Variants in ATP11A observed in about 807,000 individuals in gnomAD.
ATP11A encodes phospholipid-transporting ATPase IH.
In ATP11A, 81 loss-of-function variants were observed where a neutral mutation model predicts 154.4. The ratio of observed to expected loss-of-function variants is 0.52; its 90% CI spans 0.44 to 0.63. The LOEUF is 0.63. Ranked by LOEUF, ATP11A falls within the 30% of genes least tolerant of loss-of-function variation. The probability of loss-of-function intolerance (pLI) is 0.00; values close to 1 mark genes in which losing one functional copy is unlikely to be tolerated. For missense variants in ATP11A, 1,316 were observed against 1,474.3 expected (o/e 0.89, Z 1.76); for synonymous variants, 623 against 585.9 (o/e 1.06, Z -0.91).
intron 1 of ATP11A, among the ~76,000 whole-genome samples, chr13:112,767,947 T>A (rs2077135905): frequency 6.6e-6 from 1 of 152,088 alleles, no homozygotes; most frequent in Non-Finnish European, 1.5e-5. Context: ...GGCTCCTCAC[T>A]TCCCCACCAA....
intron 17 of ATP11A, among the ~76,000 whole-genome samples, chr13:112,844,205 C>G (rs2079509732): frequency 6.6e-6 from 1 of 152,180 alleles, no homozygotes; most frequent in African/African-American, 2.4e-5. Flanking sequence ...CATGGAGGGT[C>G]TTCATGGCCT....
At chr13:112,821,431 A>G (rs2078794692) in intron 8 of ATP11A, among the ~76,000 whole-genome samples, 2 of 152,140 alleles carry the variant, frequency 1.3e-5, no homozygotes, top group South Asian at 4.1e-4. Flanking sequence ...CTCCTGCCTC[A>G]GCTTCCTGAG....
At chr13:112,742,720 G>A (rs1047714869) in intron 1 of ATP11A, among the ~76,000 whole-genome samples, 1 of 152,108 alleles carries the variant, frequency 6.6e-6, no homozygotes, top group Non-Finnish European at 1.5e-5. Context: ...GCCGGCCTTC[G>A]CCCTGTGCCT....
chr13:112,728,992 AG>A (rs1890201549), intron 1 of ATP11A, among the ~76,000 whole-genome samples: 1 of 152,174 alleles, frequency 6.6e-6, no homozygotes, highest in Non-Finnish European at 1.5e-5. Context: ...GCTTGACTAA[AG>A]CAGGTTTTCA....
intron 1 of ATP11A, among the ~76,000 whole-genome samples, chr13:112,780,616 G>C (rs1251288305): frequency 2.6e-5 from 4 of 152,156 alleles, no homozygotes; most frequent in African/African-American, 9.7e-5. Flanking sequence ...GCCCCTCCAG[G>C]AGTCGCTCGA....
At chr13:112,755,037 G>C (rs999805584) in intron 1 of ATP11A, among the ~76,000 whole-genome samples, 1 of 152,260 alleles carries the variant, frequency 6.6e-6, no homozygotes, top group African/African-American at 2.4e-5. Context: ...AGTAGCCAGG[G>C]CGCCGTCGTC....
At chr13:112,864,891 G>C (rs201225039) in intron 25 of ATP11A, among the ~76,000 whole-genome samples, 3 of 69,514 alleles carry the variant, frequency 4.3e-5, no homozygotes, top group African/African-American at 1.5e-4. Flanking sequence ...GCAGGCCTGC[G>C]CAGCTTCCCA....
chr13:112,718,335 C>T (rs1888730406), intron 1 of ATP11A, among the ~76,000 whole-genome samples: 1 of 152,198 alleles, frequency 6.6e-6, no homozygotes, highest in Non-Finnish European at 1.5e-5. Flanking sequence ...TTCAACTCTG[C>T]TTTTTGTTTG....
rs2080037956 is a variant in ATP11A, at chr13:112,859,519, C to T, written c.2727+67C>T. 7.3e-7 allele frequency: 1 copy of T among 1,370,042 alleles called. No homozygotes were observed. The allele number at this position is 1,370,042 out of a possible 1,614,324, so 84.9% of individuals were successfully genotyped here. ...TTTTCCTTCCCGCAGTGGGTGGCTG[C>T]TGTGGGGAGGGGAGACTTGGGAATG... On this transcript the variant is annotated intron_variant, in intron 23 of 29. Coordinates refer to ENST00000375645, the MANE Select transcript of ATP11A (RefSeq NM_015205.3). This position sits in a 1 kb window ranked among gnomAD's most constrained non-coding sequence, Gnocchi z 4.3.
intron 1 of ATP11A, among the ~76,000 whole-genome samples, chr13:112,759,073 G>A (rs191109772): frequency 1.3e-5 from 2 of 152,312 alleles, no homozygotes; most frequent in Admixed American, 1.3e-4. Context: ...TGTAAAAACA[G>A]CAACGTGTGC....
At chr13:112,819,490 C>T in intron 7 of ATP11A, 83 bp downstream of exon 7, 1 of 1,177,306 alleles carries the variant, frequency 8.5e-7, no homozygotes, top group South Asian at 1.3e-5. Flanking sequence ...AGTAGTCCAG[C>T]CATGTGGTGG....
Position 112,753,331 on chromosome 13 carries a change from T to G in ATP11A, c.40-31804T>G, listed in dbSNP as rs2076740559. On this transcript the variant is annotated intron_variant, in intron 1 of 29. Transcript: ENST00000375645. The surrounding 1 kb of genome is among the most constrained non-coding windows in gnomAD (Gnocchi z 4.1). Reference sequence around the variant, plus strand: ...CTTGTGAGTACATCAGCTATATTTCTGCGAGGACAGCTTTGGGATCGCTTT... The same window carrying G: ...CTTGTGAGTACATCAGCTATATTTCGGCGAGGACAGCTTTGGGATCGCTTT... 6.6e-6 allele frequency among the ~76,000 whole-genome samples: 1 copy of G among 152,240 alleles called. No homozygotes were observed. Among genetic ancestry groups the G allele is most frequent in the Admixed American group, 6.5e-5 (1 of 15,290 alleles).
intron 1 of ATP11A, among the ~76,000 whole-genome samples, chr13:112,730,537 C>G (rs934995536): frequency 6.6e-6 from 1 of 152,204 alleles, no homozygotes; most frequent in African/African-American, 2.4e-5. Context: ...AGGCATGGGA[C>G]ACACAGCCGC....
At chr13:112,740,688 T>G (rs534666782) in intron 1 of ATP11A, among the ~76,000 whole-genome samples, 155 of 152,230 alleles carry the variant, frequency 1.0e-3, no homozygotes, top group Middle Eastern at 3.4e-3. Context: ...GGAGCTCAGT[T>G]TTCACTGTAA....
Position 112,785,308 on chromosome 13 carries a change from C to G in ATP11A, c.162+51C>G, listed in dbSNP as rs368959592. ...CATAATGTGTCTAAAAAGCAGCTGC[C>G]GGGGGGTGTTAGTGCTTCTCGGTTT... On this transcript the variant is annotated intron_variant, in intron 2 of 29. Transcript: ENST00000375645. The surrounding 1 kb of genome is among the most constrained non-coding windows in gnomAD (Gnocchi z 4.8). 7.3e-7 allele frequency: 1 copy of G among 1,372,742 alleles called. No individual in the cohort carries two copies. Among genetic ancestry groups the G allele is most frequent in the Admixed American group, 2.9e-5 (1 of 34,236 alleles). The allele number at this position is 1,372,742 out of a possible 1,614,324, so 85.0% of individuals were successfully genotyped here.
intron 1 of ATP11A, among the ~76,000 whole-genome samples, chr13:112,784,316 C>A (rs995786100): frequency 2.0e-5 from 3 of 152,194 alleles, no homozygotes; most frequent in African/African-American, 4.8e-5. Flanking sequence ...ATATTCACAC[C>A]GCGGGCATGT....
Position 112,746,623 on chromosome 13 carries a change from G to A in ATP11A, c.40-38512G>A, listed in dbSNP as rs78826989. On this transcript the variant is annotated intron_variant, in intron 1 of 29. Transcript: ENST00000375645. The surrounding 1 kb of genome is among the most constrained non-coding windows in gnomAD (Gnocchi z 4.1). ...TGCAGTGGCACAACCATACCTCACT[G>A]CAGCTTCGACCTCCTGGGCTCAAGC... The A allele has an allele frequency of 0.011, 1,672 of 151,606 alleles. 14 individuals carry two copies. Among genetic ancestry groups the A allele is most frequent in the Non-Finnish European group, 0.016 (1,116 of 68,010 alleles). The allele number at this position is 151,606 out of a possible 1,614,324, so 9.4% of individuals were successfully genotyped here. A position where few individuals can be genotyped will look rare whatever the true frequency, so the allele number is the denominator to read the frequency against.
chr13:112,789,592 G>A (rs903464472), intron 2 of ATP11A, among the ~76,000 whole-genome samples: 16 of 132,086 alleles, frequency 1.2e-4, no homozygotes, highest in African/African-American at 3.2e-4. Context: ...GTGTCCTGAC[G>A]CGTAGACCCC....
Position 112,828,113 on chromosome 13 carries a change from G to GGGGGGAAACGCCCAGCAGTGTTGAGTGC in ATP11A, c.1221+1229_1221+1230insACGCCCAGCAGTGTTGAGTGCGGGGGAA, listed in dbSNP as rs1594811471. Reference sequence around the variant, plus strand: ...GGGAAAGCGCCCAGCAGCGTTGAGTGGGGGGAAGCGCCCAGCAGCGTTGAG... The same window carrying GGGGGGAAACGCCCAGCAGTGTTGAGTGC: ...GGGAAAGCGCCCAGCAGCGTTGAGTGGGGGGAAACGCCCAGCAGTGTTGAGTGCGGGGGAAGCGCCCAGCAGCGTTGAG... On this transcript the variant is annotated intron_variant, in intron 12 of 29. Transcript: ENST00000375645. 1.1e-4 allele frequency among the ~76,000 whole-genome samples: 8 copies of GGGGGGAAACGCCCAGCAGTGTTGAGTGC among 71,736 alleles called. 1 individual carries two copies. The East Asian group carries it at 3.7e-3, about 33-fold the overall frequency. 47.1% of individuals were successfully genotyped at this position (71,736 alleles called of 152,430 possible).
Sources: gnomAD v4.1 joint callset for allele counts (sites outside exome capture counted in the v4.1 genomes callset) on GRCh38, gnomAD v4.1.1 for gene constraint, Gnocchi (gnomAD v3.1) non-coding constraint, MANE v1.5 for transcripts, NCBI Gene and HGNC (gene_info 2026-07-23, HGNC 2026-07-21) for gene names.